The following GABRG3 variants were observed in gnomAD, a reference collection of about 807,000 sequenced individuals.
GABRG3 encodes gamma-aminobutyric acid type A receptor subunit gamma3, also known as gamma-aminobutyric acid receptor subunit gamma-3.
A neutral mutation model predicts 48.8 loss-of-function variants in GABRG3; 25 were observed. The ratio of observed to expected loss-of-function variants is 0.51; its 90% CI spans 0.37 to 0.72. The LOEUF is 0.72. Among genes scored for constraint, GABRG3 ranks in the 30% least tolerant of loss-of-function variants. The pLI, the probability that GABRG3 is intolerant of heterozygous loss-of-function variation, is 0.00. For missense variants in GABRG3, 394 were observed against 577.9 expected (o/e 0.68, Z 3.26); for synonymous variants, 227 against 217.6 (o/e 1.04, Z -0.38).
intron 3 of GABRG3, among the ~76,000 whole-genome samples, chr15:27,185,822 A>G (rs1013482440): frequency 6.6e-6 from 1 of 151,954 alleles, no homozygotes; most frequent in Non-Finnish European, 1.5e-5. Flanking sequence ...TCTGATGTCT[A>G]CTTCATGAAA....
chr15:27,354,985 G>A (rs1439479781), intron 5 of GABRG3, among the ~76,000 whole-genome samples: 1 of 152,140 alleles, frequency 6.6e-6, no homozygotes, highest in Non-Finnish European at 1.5e-5. Context: ...CTAATCGGAG[G>A]ATCATTGAGA....
chr15:27,282,893 C>T lies in GABRG3; in HGVS notation c.271-43916C>T, dbSNP rs1362305219. Among the ~76,000 whole-genome samples the T allele has an allele frequency of 3.9e-5, 6 of 152,260 alleles. No homozygotes were observed. The East Asian group carries it at 1.2e-3, about 29-fold the overall frequency. On this transcript the variant is annotated intron_variant, in intron 3 of 9. Transcript: ENST00000615808. ...TCGTGCTAGGTGGACACCCCCCCAG[C>T]CTCACTGGCCCCAGGTAGGGAGGGG...
At chr15:27,342,721 C>T (rs938791005) in intron 5 of GABRG3, among the ~76,000 whole-genome samples, 1 of 152,234 alleles carries the variant, frequency 6.6e-6, no homozygotes, top group African/African-American at 2.4e-5. Flanking sequence ...CTTGGAGCTC[C>T]TTTCCCCTGT....
chr15:27,084,024 G>A (rs1897034946), intron 3 of GABRG3, among the ~76,000 whole-genome samples: 2 of 152,154 alleles, frequency 1.3e-5, no homozygotes, highest in Admixed American at 1.3e-4. Context: ...TGGGCTGGAG[G>A]CACAGTGGAG....
At chr15:27,020,825 T>G (rs1250843265) in intron 2 of GABRG3, among the ~76,000 whole-genome samples, 1 of 152,232 alleles carries the variant, frequency 6.6e-6, no homozygotes, top group Admixed American at 6.5e-5. Context: ...ATAATTTTTG[T>G]TGTAACAGAT....
chr15:27,072,474 A>G (rs1439192449), intron 3 of GABRG3, among the ~76,000 whole-genome samples: 2 of 152,162 alleles, frequency 1.3e-5, no homozygotes, highest in Admixed American at 6.5e-5. Context: ...CACCTCTCTC[A>G]GGACATTTCA....
chr15:27,521,091 G>T (rs1891149769), intron 7 of GABRG3, among the ~76,000 whole-genome samples: 2 of 152,046 alleles, frequency 1.3e-5, no homozygotes, highest in African/African-American at 2.4e-5. Flanking sequence ...AGATGTCACT[G>T]TACACAAGAC....
intron 3 of GABRG3, among the ~76,000 whole-genome samples, chr15:27,134,696 C>T (rs1339730350): frequency 1.3e-5 from 2 of 152,176 alleles, no homozygotes; most frequent in Admixed American, 6.5e-5. Context: ...CTAAAGTCAC[C>T]TCCTCCAGGA....
At chr15:27,523,780 A>G (rs943310126) in intron 7 of GABRG3, among the ~76,000 whole-genome samples, 1 of 151,904 alleles carries the variant, frequency 6.6e-6, no homozygotes, top group Admixed American at 6.6e-5. Context: ...GAATCAGTGA[A>G]CCATGAGATA....
chr15:27,088,759 C>G (rs538444145), intron 3 of GABRG3, among the ~76,000 whole-genome samples: 4 of 152,260 alleles, frequency 2.6e-5, no homozygotes, highest in Non-Finnish European at 5.9e-5. Flanking sequence ...AAAATCCAGT[C>G]ACCTCCCACC....
intron 3 of GABRG3, among the ~76,000 whole-genome samples, chr15:27,219,130 T>C (rs1405380560): frequency 6.6e-6 from 1 of 152,214 alleles, no homozygotes; most frequent in Non-Finnish European, 1.5e-5. Flanking sequence ...TTTGATATGC[T>C]ATCTCTTGGC....
chr15:27,428,925 A>T (rs943408412), intron 5 of GABRG3, among the ~76,000 whole-genome samples: 2 of 152,228 alleles, frequency 1.3e-5, no homozygotes, highest in Non-Finnish European at 2.9e-5. Flanking sequence ...TAAACCTCTC[A>T]GAGTTTACAA....
intron 2 of GABRG3, among the ~76,000 whole-genome samples, chr15:27,021,852 A>G (rs546812799): frequency 6.6e-6 from 1 of 152,318 alleles, no homozygotes; most frequent in African/African-American, 2.4e-5. Flanking sequence ...CAAAATAAAT[A>G]AGTAATAAAA....
intron 5 of GABRG3, among the ~76,000 whole-genome samples, chr15:27,401,083 G>A (rs1385251888): frequency 6.6e-6 from 1 of 152,150 alleles, no homozygotes; most frequent in Non-Finnish European, 1.5e-5. Context: ...AACTACAGCA[G>A]TTCCTTAATA....
intron 9 of GABRG3, among the ~76,000 whole-genome samples, chr15:27,529,926 T>C (rs1352551503): frequency 6.9e-6 from 1 of 144,684 alleles, no homozygotes; most frequent in Non-Finnish European, 1.5e-5. Context: ...GAAAGTTTAA[T>C]GACCTTAAAG....
chr15:27,118,031 G>A (rs1022697507), intron 3 of GABRG3, among the ~76,000 whole-genome samples: 1 of 152,200 alleles, frequency 6.6e-6, no homozygotes, highest in Non-Finnish European at 1.5e-5. Flanking sequence ...ATGGCACATT[G>A]TCCCTCTCAC....
At chr15:27,280,814 A>G (rs1317431926) in intron 3 of GABRG3, among the ~76,000 whole-genome samples, 1 of 152,152 alleles carries the variant, frequency 6.6e-6, no homozygotes, top group Non-Finnish European at 1.5e-5. Flanking sequence ...GTGATGGTAA[A>G]TTCTACAAAT....
intron 3 of GABRG3, among the ~76,000 whole-genome samples, chr15:27,067,109 G>A (rs957025221): frequency 4.6e-5 from 7 of 152,256 alleles, no homozygotes; most frequent in African/African-American, 9.6e-5. Context: ...GCCTCCCTGC[G>A]GCTGCACCTT....
At chr15:27,203,905 G>T (rs1048342558) in intron 3 of GABRG3, among the ~76,000 whole-genome samples, 29 of 151,560 alleles carry the variant, frequency 1.9e-4, no homozygotes, top group Middle Eastern at 3.4e-3. Context: ...TTTTCTTGTT[G>T]ATTTGATTAA....
Sources: gnomAD v4.1 joint callset for allele counts (sites outside exome capture counted in the v4.1 genomes callset) on GRCh38, gnomAD v4.1.1 for gene constraint, MANE v1.5 for transcripts, NCBI Gene and HGNC (gene_info 2026-07-23, HGNC 2026-07-21) for gene names.